Variants in ATP10A observed in about 807,000 individuals in gnomAD.
The protein encoded by ATP10A is phospholipid-transporting ATPase VA.
Under a neutral mutation model 147.8 loss-of-function variants are expected in ATP10A, and 111 were observed. The ratio of observed to expected loss-of-function variants is 0.75; its 90% confidence interval spans 0.64 to 0.88. ATP10A has a LOEUF of 0.88. Among genes scored for constraint, ATP10A ranks in the 40% least tolerant of loss-of-function variants. The pLI, the probability that ATP10A is intolerant of heterozygous loss-of-function variation, is 0.00. For synonymous variants in ATP10A, 875 were observed against 841.6 expected (o/e 1.04, Z -0.69); for missense variants, 1,927 against 1,959.0 (o/e 0.98, Z 0.31).
chr15:25,769,694 T>C (rs533509478), intron 2 of ATP10A, among the ~76,000 whole-genome samples: 9 of 151,828 alleles, frequency 5.9e-5, no homozygotes, highest in Admixed American at 1.3e-4. Flanking sequence ...TGGGATGCAG[T>C]GAAATGGATT....
intron 7 of ATP10A, among the ~76,000 whole-genome samples, chr15:25,718,657 A>G (rs925210366): frequency 8.5e-5 from 13 of 152,202 alleles, no homozygotes; most frequent in African/African-American, 2.6e-4. Flanking sequence ...AGGTCGCACA[A>G]CTTAGGGGAA....
intron 1 of ATP10A, among the ~76,000 whole-genome samples, chr15:25,781,654 CAAAAAAAAAGAAGG>C (rs1289906111): frequency 7.2e-6 from 1 of 138,868 alleles, no homozygotes; most frequent in Non-Finnish European, 1.6e-5. Flanking sequence ...TATTCCGTCT[CAAAAAAAAAGAAGG>C]AAAAAAAAAA....
At chr15:25,717,373 A>G (rs573284768) in intron 8 of ATP10A, among the ~76,000 whole-genome samples, 4 of 152,292 alleles carry the variant, frequency 2.6e-5, no homozygotes, top group South Asian at 2.1e-4. Context: ...TGCTGATGTA[A>G]ATTACACATT....
At chr15:25,686,079 T>C (rs1899697899) in intron 16 of ATP10A, among the ~76,000 whole-genome samples, 1 of 152,110 alleles carries the variant, frequency 6.6e-6, no homozygotes. Context: ...CTTCCTCAGA[T>C]AGTCCCAGGC....
chr15:25,678,138 C>G (rs889479867), downstream of ATP10A: 1 of 152,006 alleles, frequency 6.6e-6, no homozygotes, highest in Non-Finnish European at 1.5e-5. Flanking sequence ...TTCTGCTTGA[C>G]TGGAATGAGG....
At chr15:25,726,635 G>C (rs1439934950) in intron 4 of ATP10A, among the ~76,000 whole-genome samples, 2 of 151,740 alleles carry the variant, frequency 1.3e-5, no homozygotes, top group African/African-American at 4.8e-5. Flanking sequence ...AGTAGAGATG[G>C]GGTTTCACTA....
intron 2 of ATP10A, among the ~76,000 whole-genome samples, chr15:25,764,295 C>T (rs1038619221): frequency 2.6e-5 from 4 of 152,192 alleles, no homozygotes; most frequent in African/African-American, 9.7e-5. Context: ...TCAGGATGTT[C>T]CCTGCTACAG....
At chr15:25,788,817 C>A (rs367806751) in intron 1 of ATP10A, among the ~76,000 whole-genome samples, 2 of 152,180 alleles carry the variant, frequency 1.3e-5, no homozygotes, top group Admixed American at 1.3e-4. Context: ...TGTTTAGTAT[C>A]ATTCTGTATT....
At chr15:25,826,750 G>A (rs946710198) in intron 1 of ATP10A, among the ~76,000 whole-genome samples, 29 of 152,248 alleles carry the variant, frequency 1.9e-4, no homozygotes, top group South Asian at 4.1e-4. Flanking sequence ...GGCCTAGATC[G>A]TGCCACTGTA....
downstream of ATP10A, chr15:25,677,615 T>C (rs1261826572): frequency 6.6e-6 from 1 of 152,262 alleles, no homozygotes; most frequent in Non-Finnish European, 1.5e-5. Context: ...AAGGAGATTC[T>C]TTTCCTATGC....
chr15:25,811,327 T>C (rs959779802), intron 1 of ATP10A, among the ~76,000 whole-genome samples: 3 of 152,090 alleles, frequency 2.0e-5, no homozygotes, highest in African/African-American at 7.2e-5. Context: ...CTTTTCTTTC[T>C]GCCCAGTTCT....
upstream of ATP10A, among the ~76,000 whole-genome samples, chr15:25,864,052 C>A (rs939593479): frequency 2.6e-5 from 4 of 151,836 alleles, no homozygotes; most frequent in Admixed American, 1.3e-4. Context: ...TCATGAGGAC[C>A]GAAACGCTCC....
At chr15:25,789,565 A>AGTGTGTGTGT (rs59744412) in intron 1 of ATP10A, among the ~76,000 whole-genome samples, 33,748 of 141,260 alleles carry the variant, frequency 0.24, 3,955 homozygotes, top group South Asian at 0.33. Flanking sequence ...CCAATAAAGA[A>AGTGTGTGTGT]GTGTGTGTGT....
intron 15 of ATP10A, chr15:25,688,050 C>A: frequency 3.5e-6 from 2 of 579,168 alleles, no homozygotes; most frequent in Non-Finnish European, 6.2e-6. Context: ...GGGATGTCAC[C>A]TTATAAGATT....
At chr15:25,801,985 G>A (rs566288315) in intron 1 of ATP10A, among the ~76,000 whole-genome samples, 10 of 152,280 alleles carry the variant, frequency 6.6e-5, no homozygotes, top group Non-Finnish European at 1.0e-4. Flanking sequence ...ATGTTAACGC[G>A]GAGAACACGA....
At chr15:25,836,309 A>G (rs1253036244) in intron 1 of ATP10A, among the ~76,000 whole-genome samples, 1 of 152,090 alleles carries the variant, frequency 6.6e-6, no homozygotes, top group Non-Finnish European at 1.5e-5. Flanking sequence ...TCCCAGCTAT[A>G]TAACTTCAAC....
At chr15:25,797,903 A>G (rs1281436892) in intron 1 of ATP10A, among the ~76,000 whole-genome samples, 1 of 152,180 alleles carries the variant, frequency 6.6e-6, no homozygotes, top group East Asian at 1.9e-4. Flanking sequence ...AGGGACATCT[A>G]CAGGGATTAA....
intron 1 of ATP10A, among the ~76,000 whole-genome samples, chr15:25,788,178 A>G (rs1890256624): frequency 6.6e-6 from 1 of 152,218 alleles, no homozygotes; most frequent in Non-Finnish European, 1.5e-5. Context: ...TGCAGGAAAC[A>G]TGTAGGAGCA....
intron 1 of ATP10A, among the ~76,000 whole-genome samples, chr15:25,827,386 T>G (rs1479708798): frequency 6.6e-6 from 1 of 152,238 alleles, no homozygotes; most frequent in Non-Finnish European, 1.5e-5. Flanking sequence ...AGGTAGTTTT[T>G]CTTTGTAACT....
Sources: gnomAD v4.1 joint callset for allele counts (sites outside exome capture counted in the v4.1 genomes callset) on GRCh38, gnomAD v4.1.1 for gene constraint, MANE v1.5 for transcripts, NCBI Gene and HGNC (gene_info 2026-07-23, HGNC 2026-07-21) for gene names.